Variants in PPHLN1 observed in about 807,000 individuals in gnomAD.
PPHLN1 encodes the protein periphilin 1, also known as periphilin-1.
In PPHLN1, 29 loss-of-function variants were observed where a neutral mutation model predicts 51.3. That is an observed-to-expected ratio of 0.57 (90% CI 0.42 to 0.77). The LOEUF is 0.77. Ranked by LOEUF, PPHLN1 falls within the 30% of genes least tolerant of loss-of-function variation. The probability of loss-of-function intolerance (pLI) is 0.00; values close to 1 mark genes in which losing one functional copy is unlikely to be tolerated. For synonymous variants in PPHLN1, 147 were observed against 147.8 expected, an observed-to-expected ratio of 0.99 and a Z score of 0.04; for missense variants, 436 against 438.4, an observed-to-expected ratio of 0.99 and a Z score of 0.05.
At chr12:42,446,612 G>A (rs375193924), downstream of PPHLN1, 2 of 1,613,154 alleles carry the variant, frequency 1.2e-6, no homozygotes, top group Non-Finnish European at 1.7e-6. Context: ...CAGAAAACAA[G>A]CAGTAACTGC....
At chr12:42,328,631 A>G (rs1043580916) in intron 1 of PPHLN1, among the ~76,000 whole-genome samples, 1 of 152,246 alleles carries the variant, frequency 6.6e-6, no homozygotes, top group Non-Finnish European at 1.5e-5. Flanking sequence ...AGTGCAGTAC[A>G]TTCGGGCTTA....
chr12:42,361,082 C>T (rs2074623404), intron 4 of PPHLN1, among the ~76,000 whole-genome samples: 1 of 152,078 alleles, frequency 6.6e-6, no homozygotes, highest in African/African-American at 2.4e-5. Flanking sequence ...GAAACCTTAG[C>T]CCCCCATTAT....
chr12:42,391,880 A>AT (rs1374777656), intron 7 of PPHLN1, among the ~76,000 whole-genome samples: 2 of 152,116 alleles, frequency 1.3e-5, no homozygotes, highest in Non-Finnish European at 2.9e-5. Flanking sequence ...AGTTTGATGA[A>AT]TTTAACAAGG....
intron 5 of PPHLN1, among the ~76,000 whole-genome samples, chr12:42,383,452 A>ATTTT (rs1285150810): frequency 6.6e-6 from 1 of 152,222 alleles, no homozygotes; most frequent in East Asian, 1.9e-4. Context: ...ACACTTAATA[A>ATTTT]AATAGGATTA....
chr12:42,428,132 G>A (rs917715698), intron 9 of PPHLN1, among the ~76,000 whole-genome samples: 1 of 152,232 alleles, frequency 6.6e-6, no homozygotes, highest in Non-Finnish European at 1.5e-5. Flanking sequence ...TGGATGTGGT[G>A]AAGAGGGAAC....
intron 9 of PPHLN1, among the ~76,000 whole-genome samples, chr12:42,413,524 A>ATGTGTGTGTGTG (rs1397983458): frequency 8.4e-5 from 10 of 119,104 alleles, no homozygotes; most frequent in Non-Finnish European, 1.6e-4. Flanking sequence ...ATATATATGT[A>ATGTGTGTGTGTG]TATGTGTGTG....
intron 4 of PPHLN1, among the ~76,000 whole-genome samples, chr12:42,365,893 G>A (rs149810786): frequency 2.6e-5 from 4 of 152,202 alleles, no homozygotes; most frequent in Admixed American, 2.0e-4. Flanking sequence ...TTGATTCATC[G>A]TATAGTTCAT....
rs1213561958 is a variant in PPHLN1, at chr12:42,348,276, ATTTTTTTTTTTTT to A, written c.73-3596_73-3584del. Among the ~76,000 whole-genome samples the A allele has an allele frequency of 1.2e-4, 10 of 85,606 alleles. No individual in the cohort carries two copies. In the East Asian group the frequency reaches 2.4e-3, roughly 20 times the overall value. 56.2% of individuals were successfully genotyped at this position (85,606 alleles called of 152,430 possible). A position where few individuals can be genotyped will look rare whatever the true frequency, so the allele number is the denominator to read the frequency against. ...CAGGCATGCACACCTCACCTGGCTAATTTTTTTTTTTTTTTTTTTTTTTTTAGTAGAAACGGGG... is the reference window on the plus strand; with the variant it reads ...CAGGCATGCACACCTCACCTGGCTAATTTTTTTTTTTTAGTAGAAACGGGG... On this transcript the variant is annotated intron_variant, in intron 2 of 9. Transcript: ENST00000358314.
At chr12:42,388,425 A>G (rs1565906636) in intron 7 of PPHLN1, among the ~76,000 whole-genome samples, 1 of 152,112 alleles carries the variant, frequency 6.6e-6, no homozygotes, top group Non-Finnish European at 1.5e-5. Flanking sequence ...CCTTGAACTT[A>G]ATTGTGACAC....
chr12:42,370,057 A>G (rs1378317967), intron 4 of PPHLN1, among the ~76,000 whole-genome samples: 2 of 152,236 alleles, frequency 1.3e-5, no homozygotes, highest in Admixed American at 6.5e-5. Flanking sequence ...TGCCGTTATC[A>G]TGAACTCTGA....
rs948083863 is a variant in PPHLN1, at chr12:42,329,593, T to C, written c.-21+3364T>C. Among the ~76,000 whole-genome samples, 13 of 152,146 alleles carry C rather than the reference T, an allele frequency of 8.5e-5. No homozygotes were observed. In the South Asian group the frequency reaches 2.3e-3, roughly 27 times the overall value. ...TGTACTTTTAATACAGATTAAACCC[T>C]CACTACTAGAAATACTACTAGTAGA... On this transcript the variant is annotated intron_variant, in intron 1 of 9. Coordinates refer to ENST00000358314, the MANE Select transcript of PPHLN1 (RefSeq NM_201439.2).
chr12:42,411,944 C>T lies in PPHLN1; in HGVS notation c.909+12950C>T, dbSNP rs763022719. ...AAAAAGGGCTGGGCGCGGTATCTCA[C>T]GCCTGTAATCCCAGCACTTTGGGAG... On this transcript the variant is annotated intron_variant, in intron 9 of 9. Coordinates refer to ENST00000358314, the MANE Select transcript of PPHLN1 (RefSeq NM_201439.2). 2.3e-3 allele frequency among the ~76,000 whole-genome samples: 310 copies of T among 137,732 alleles called. 1 individual carries two copies. The highest frequency in any genetic ancestry group is 3.5e-3 in the Non-Finnish European group (226 of 64,298). 90.4% of individuals were successfully genotyped at this position (137,732 alleles called of 152,430 possible). A position where few individuals can be genotyped will look rare whatever the true frequency, so the allele number is the denominator to read the frequency against.
At chr12:42,445,935 A>T (rs762740729), downstream of PPHLN1, 2 of 1,455,442 alleles carry the variant, frequency 1.4e-6, no homozygotes. Flanking sequence ...TTTTGCTAAC[A>T]TGGGGAAGAG....
At chr12:42,447,642 T>G (rs2083371033), downstream of PPHLN1, 1 of 152,232 alleles carries the variant, frequency 6.6e-6, no homozygotes, top group South Asian at 2.1e-4. Flanking sequence ...ACTACCCAAT[T>G]TCATTATCCT....
At chr12:42,360,939 T>G (rs2074609389) in intron 4 of PPHLN1, among the ~76,000 whole-genome samples, 1 of 152,200 alleles carries the variant, frequency 6.6e-6, no homozygotes, top group Admixed American at 6.5e-5. Context: ...TGTGTGGAGA[T>G]ACTTTGAAAC....
chr12:42,440,691 C>T (rs905518864), intron 9 of PPHLN1, among the ~76,000 whole-genome samples: 2 of 152,210 alleles, frequency 1.3e-5, no homozygotes, highest in African/African-American at 2.4e-5. Flanking sequence ...TTCTAGAGGC[C>T]GCCACCTTCC....
chr12:42,393,782 T>TC, intron 8 of PPHLN1, 93 bp downstream of exon 8: 1 of 1,211,424 alleles, frequency 8.3e-7, no homozygotes, highest in South Asian at 1.6e-5. Context: ...TTCCTATACT[T>TC]CAAAATATAT....
chr12:42,352,236 AAGT>A (rs2073454306), intron 3 of PPHLN1, among the ~76,000 whole-genome samples, 187 bp downstream of exon 3: 1 of 152,088 alleles, frequency 6.6e-6, no homozygotes. Flanking sequence ...GTACTGGACA[AAGT>A]AGGTAAGCAC....
At chr12:42,358,848 T>C (rs1244559541) in intron 4 of PPHLN1, among the ~76,000 whole-genome samples, 9 of 152,214 alleles carry the variant, frequency 5.9e-5, no homozygotes, top group Admixed American at 4.6e-4. Flanking sequence ...ACTTTAGTTT[T>C]TACGAGATAG....
Sources: allele counts gnomAD v4.1 joint callset (sites outside exome capture counted in the v4.1 genomes callset), GRCh38; gene constraint gnomAD v4.1.1; transcripts MANE v1.5; gene names NCBI Gene and HGNC (gene_info 2026-07-23, HGNC 2026-07-21).